Variants in NOSIP observed in about 807,000 individuals in gnomAD.
NOSIP encodes nitric oxide synthase-interacting protein.
NOSIP carries 25 observed loss-of-function variants against 36.4 expected under a neutral mutation model. The observed-to-expected ratio is 0.69, with a 90% CI of 0.50 to 0.96. The LOEUF is 0.96. Among genes scored for constraint, NOSIP ranks in the 40% least tolerant of loss-of-function variants. The pLI, the probability that NOSIP is intolerant of heterozygous loss-of-function variation, is 0.00. For missense variants in NOSIP, 370 were observed against 429.0 expected (o/e 0.86, Z 1.21); for synonymous variants, 187 against 179.2 (o/e 1.04, Z -0.35).
chr19:49,570,158 A>G (rs2080466579), intron 1 of NOSIP, among the ~76,000 whole-genome samples: 1 of 152,156 alleles, frequency 6.6e-6, no homozygotes, highest in Non-Finnish European at 1.5e-5. Flanking sequence ...AAGGCTCCAC[A>G]TGACACATAT....
intron 8 of NOSIP, among the ~76,000 whole-genome samples, chr19:49,556,072 G>A (rs962212917): frequency 1.2e-4 from 17 of 141,608 alleles, no homozygotes; most frequent in Admixed American, 8.7e-4. Flanking sequence ...GAGCCGTGGA[G>A]GGCTGGAGGC....
At chr19:49,557,055 G>A in intron 5 of NOSIP, 35 bp downstream of exon 5, 1 of 1,591,362 alleles carries the variant, frequency 6.3e-7, no homozygotes, top group East Asian at 2.3e-5. Flanking sequence ...GCGGCGCCCC[G>A]CCCCCCAACC....
intron 1 of NOSIP, among the ~76,000 whole-genome samples, chr19:49,570,664 C>A (rs2080472533): frequency 6.6e-6 from 1 of 152,114 alleles, no homozygotes; most frequent in Non-Finnish European, 1.5e-5. Context: ...CTCCGACTTC[C>A]CCCTGACCCC....
intron 4 of NOSIP, 162 bp downstream of exon 4, chr19:49,558,735 T>C: frequency 1.4e-6 from 1 of 694,066 alleles, no homozygotes. Context: ...GGAGGCAGCA[T>C]CTGGGCTGAA....
At chr19:49,558,630 C>A in intron 4 of NOSIP, 1 of 453,326 alleles carries the variant, frequency 2.2e-6, no homozygotes, top group Non-Finnish European at 4.0e-6. Flanking sequence ...GGAAAGTGGG[C>A]ATGTGTCAGA....
rs1347969299 is a variant in NOSIP, at chr19:49,557,075, C to A, written c.418+15G>T. On this transcript the variant is annotated intron_variant, in intron 5 of 8. Coordinates refer to ENST00000596358, the MANE Select transcript of NOSIP (RefSeq NM_001270960.2). ...GCCCCGCCCCCCAACCCACAAGAAG[C>A]CCAACCTGAGTCACCTGGGCTGGTG... 6.2e-7 allele frequency: 1 copy of A among 1,606,746 alleles called. No individual in the cohort carries two copies. The highest frequency in any genetic ancestry group is 8.5e-7 in the Non-Finnish European group (1 of 1,176,530).
intron 1 of NOSIP, among the ~76,000 whole-genome samples, chr19:49,563,456 C>T (rs1385554794): frequency 6.6e-6 from 1 of 151,938 alleles, no homozygotes. Context: ...AGGTGTGAGC[C>T]ACTGCACCTG....
intron 1 of NOSIP, among the ~76,000 whole-genome samples, chr19:49,568,111 G>C (rs1011953110): frequency 6.6e-6 from 1 of 152,136 alleles, no homozygotes; most frequent in Non-Finnish European, 1.5e-5. Context: ...CACAATCCTC[G>C]TAAACTTTGT....
chr19:49,575,452 C>A (rs1347645818), intron 1 of NOSIP, among the ~76,000 whole-genome samples: 1 of 152,184 alleles, frequency 6.6e-6, no homozygotes, highest in Non-Finnish European at 1.5e-5. Flanking sequence ...TATAATGCTG[C>A]CTGAGCCTGA....
intron 1 of NOSIP, among the ~76,000 whole-genome samples, chr19:49,565,602 A>T (rs571306778): frequency 6.6e-6 from 1 of 151,862 alleles, no homozygotes; most frequent in Non-Finnish European, 1.5e-5. Context: ...ATATATATAT[A>T]TAAAAATTTG....
intron 1 of NOSIP, among the ~76,000 whole-genome samples, chr19:49,564,277 A>T (rs1049554076): frequency 1.3e-5 from 2 of 151,740 alleles, no homozygotes; most frequent in Middle Eastern, 3.2e-3. Flanking sequence ...ACATGGCAAA[A>T]CCCCATCTGT....
At chr19:49,574,017 G>A (rs2080520500) in intron 1 of NOSIP, among the ~76,000 whole-genome samples, 1 of 151,926 alleles carries the variant, frequency 6.6e-6, no homozygotes, top group Non-Finnish European at 1.5e-5. Context: ...ACACCACCAT[G>A]CCTAGATACT....
chr19:49,578,623 T>C (rs577250530), intron 1 of NOSIP, among the ~76,000 whole-genome samples: 73 of 151,670 alleles, frequency 4.8e-4, no homozygotes, highest in Non-Finnish European at 8.8e-4. Flanking sequence ...CTGGGCAACA[T>C]AGTGACACCT....
chr19:49,577,851 G>A (rs1311045535), intron 1 of NOSIP, among the ~76,000 whole-genome samples: 1 of 151,374 alleles, frequency 6.6e-6, no homozygotes, highest in African/African-American at 2.4e-5. Context: ...AAGGAAGGCA[G>A]TCACAATAAT....
At position 49,576,884 on chromosome 19, in the gene NOSIP, C is replaced by CAAA. The variant is rs58441193; in HGVS notation, c.-2+3628_-2+3630dup. 7.4e-4 allele frequency among the ~76,000 whole-genome samples: 35 copies of CAAA among 47,282 alleles called. 1 individual carries two copies. The highest frequency in any genetic ancestry group is 9.7e-4 in the African/African-American group (16 of 16,436). The allele number at this position is 47,282 out of a possible 152,430, so 31.0% of individuals were successfully genotyped here. ...AGGCAACAAGAGTGAAACTCTGTCT[C>CAAA]AAAAAAAAAAAAAAAAAAAAAAAAA... is the stretch of plus-strand genomic sequence containing the variant. On this transcript the variant is annotated intron_variant, in intron 1 of 8. Coordinates refer to ENST00000596358, the MANE Select transcript of NOSIP (RefSeq NM_001270960.2).
chr19:49,561,746 G>T (rs1466214807), intron 1 of NOSIP, among the ~76,000 whole-genome samples: 1 of 152,046 alleles, frequency 6.6e-6, no homozygotes. Context: ...GCTGGGCGTG[G>T]TGGCACACGC....
chr19:49,564,453 CAAAAAAAAAA>C (rs1011453088), intron 1 of NOSIP, among the ~76,000 whole-genome samples: 2 of 42,558 alleles, frequency 4.7e-5, no homozygotes, highest in African/African-American at 8.3e-5. Context: ...GACTCCATCT[CAAAAAAAAAA>C]AAAAAAAAAA....
At chr19:49,566,177 G>A (rs532326283) in intron 1 of NOSIP, among the ~76,000 whole-genome samples, 3 of 152,038 alleles carry the variant, frequency 2.0e-5, no homozygotes, top group African/African-American at 4.8e-5. Context: ...TCGCCACCAC[G>A]CCTGGCTAAT....
intron 1 of NOSIP, among the ~76,000 whole-genome samples, chr19:49,569,473 C>T (rs2080457248): frequency 1.4e-5 from 2 of 144,952 alleles, no homozygotes; most frequent in Admixed American, 6.8e-5. Context: ...GCTGGGATTA[C>T]AGGTGTGAGC....
Sources: gnomAD v4.1 joint callset for allele counts (sites outside exome capture counted in the v4.1 genomes callset) on GRCh38, gnomAD v4.1.1 for gene constraint, MANE v1.5 for transcripts, NCBI Gene and HGNC (gene_info 2026-07-23, HGNC 2026-07-21) for gene names.